Variants in ATP2B2 observed in about 807,000 individuals in gnomAD.
ATP2B2 encodes plasma membrane calcium-transporting ATPase 2.
A neutral mutation model predicts 120.0 loss-of-function variants in ATP2B2; 15 were observed. That is an observed-to-expected ratio of 0.12 (90% CI 0.08 to 0.19). ATP2B2 has a LOEUF of 0.19. Ranked by LOEUF, ATP2B2 falls within the 10% of genes least tolerant of loss-of-function variation. ATP2B2 has a pLI of 1.00. For missense variants in ATP2B2, 1,045 were observed against 1,719.8 expected, an observed-to-expected ratio of 0.61 and a Z score of 6.94; for synonymous variants, 694 against 700.3, an observed-to-expected ratio of 0.99 and a Z score of 0.14.
chr3:10,478,804 G>A (rs569631417), intron 1 of ATP2B2, among the ~76,000 whole-genome samples: 35 of 152,188 alleles, frequency 2.3e-4, no homozygotes, highest in Non-Finnish European at 4.4e-4. Flanking sequence ...GGCTGATGTG[G>A]TTTGGCTCTG....
At chr3:10,623,128 CCAT>C (rs2069598356) in intron 1 of ATP2B2, among the ~76,000 whole-genome samples, 1 of 145,018 alleles carries the variant, frequency 6.9e-6, no homozygotes, top group Admixed American at 7.3e-5. Context: ...AGTGGTGCAA[CCAT>C]AGCTCACTGT....
chr3:10,689,888 C>A (rs774787379), intron 1 of ATP2B2, among the ~76,000 whole-genome samples: 3 of 152,220 alleles, frequency 2.0e-5, no homozygotes, highest in Non-Finnish European at 4.4e-5. Flanking sequence ...CAAAGTAGGT[C>A]CTCAGTGAGG....
At chr3:10,603,355 T>C (rs1198098195) in intron 2 of ATP2B2, among the ~76,000 whole-genome samples, 1 of 152,268 alleles carries the variant, frequency 6.6e-6, no homozygotes, top group East Asian at 1.9e-4. Flanking sequence ...ACAGCATTGC[T>C]GTGAGTGTCC....
chr3:10,379,643 A>G (rs1202819650), intron 8 of ATP2B2, among the ~76,000 whole-genome samples: 1 of 152,146 alleles, frequency 6.6e-6, no homozygotes, highest in Non-Finnish European at 1.5e-5. Flanking sequence ...AGGCCCCCAC[A>G]CCAAGCTTTT....
At chr3:10,579,129 G>T (rs2068324302) in intron 2 of ATP2B2, among the ~76,000 whole-genome samples, 1 of 152,226 alleles carries the variant, frequency 6.6e-6, no homozygotes, top group East Asian at 1.9e-4. Context: ...TCCCAGGGAA[G>T]TTCTGAGAAT....
At chr3:10,445,133 C>T (rs975421213) in intron 2 of ATP2B2, among the ~76,000 whole-genome samples, 2 of 152,244 alleles carry the variant, frequency 1.3e-5, no homozygotes, top group East Asian at 3.8e-4. Flanking sequence ...AAAAGAAACA[C>T]TAGAGTATAA....
chr3:10,480,971 C>T (rs959719153), intron 1 of ATP2B2, among the ~76,000 whole-genome samples: 2 of 152,238 alleles, frequency 1.3e-5, no homozygotes, highest in African/African-American at 4.8e-5. Context: ...CCACTATCTG[C>T]TCCACCCGCA....
At position 10,326,356 on chromosome 3, in the gene ATP2B2, G is replaced by A. The variant is rs925745830; in HGVS notation, c.*2458C>T. ...ACAAGAGAAGACCAACGCTAATGTT[G>A]GCATTCTTCCATCGCTCCCTGTTCC... is the stretch of plus-strand genomic sequence containing the variant. On this transcript the variant is annotated 3_prime_UTR_variant, in exon 23 of 23. Transcript: ENST00000360273. 4.6e-5 allele frequency: 9 copies of A among 195,774 alleles called. No individual in the cohort carries two copies. Among genetic ancestry groups the A allele is most frequent in the Non-Finnish European group, 7.2e-5 (7 of 96,824 alleles). 12.1% of individuals were successfully genotyped at this position (195,774 alleles called of 1,614,324 possible).
chr3:10,529,095 G>C (rs1234337390), intron 3 of ATP2B2, among the ~76,000 whole-genome samples: 1 of 152,236 alleles, frequency 6.6e-6, no homozygotes, highest in Non-Finnish European at 1.5e-5. Context: ...CACCTTCCCG[G>C]GGGAAGACTC....
intron 3 of ATP2B2, among the ~76,000 whole-genome samples, chr3:10,518,136 C>A (rs936138240): frequency 6.6e-6 from 1 of 152,144 alleles, no homozygotes; most frequent in Non-Finnish European, 1.5e-5. Context: ...ATGATGTTTG[C>A]CAGTCTGCAA....
intron 14 of ATP2B2, among the ~76,000 whole-genome samples, chr3:10,357,797 T>C (rs2060782646): frequency 6.6e-6 from 1 of 152,160 alleles, no homozygotes; most frequent in Non-Finnish European, 1.5e-5. Flanking sequence ...CCTCACAGTG[T>C]GAGCTGACTC....
intron 12 of ATP2B2, among the ~76,000 whole-genome samples, chr3:10,367,511 CAG>C (rs2061099071): frequency 6.6e-6 from 1 of 152,124 alleles, no homozygotes; most frequent in African/African-American, 2.4e-5. Context: ...CAGAGGGAAA[CAG>C]AGTAATGACT....
chr3:10,485,438 C>T (rs150576122), intron 1 of ATP2B2, among the ~76,000 whole-genome samples: 170 of 152,254 alleles, frequency 1.1e-3, no homozygotes, highest in African/African-American at 3.3e-3. Context: ...TGGGGGATTG[C>T]GGGAGCTCAG....
At chr3:10,461,298 T>G (rs987524909) in intron 1 of ATP2B2, among the ~76,000 whole-genome samples, 2 of 152,324 alleles carry the variant, frequency 1.3e-5, no homozygotes, top group South Asian at 2.1e-4. Flanking sequence ...CTTCCACACT[T>G]GAGCCCTGGT....
At chr3:10,417,661 G>A (rs2062836131) in intron 2 of ATP2B2, among the ~76,000 whole-genome samples, 1 of 152,222 alleles carries the variant, frequency 6.6e-6, no homozygotes, top group African/African-American at 2.4e-5. Context: ...AATTTTGATT[G>A]AGCACCTACT....
intron 1 of ATP2B2, among the ~76,000 whole-genome samples, chr3:10,699,236 C>T (rs900814023): frequency 6.6e-6 from 1 of 152,222 alleles, no homozygotes; most frequent in African/African-American, 2.4e-5. Flanking sequence ...CAGAAGATGC[C>T]TGGACATGTG....
At chr3:10,599,464 T>C (rs560992695) in intron 2 of ATP2B2, among the ~76,000 whole-genome samples, 19 of 152,210 alleles carry the variant, frequency 1.2e-4, no homozygotes, top group Admixed American at 5.2e-4. Flanking sequence ...GTTCTCCCAG[T>C]GCACTCTAAT....
At chr3:10,574,475 A>T (rs1218232378) in intron 2 of ATP2B2, among the ~76,000 whole-genome samples, 2 of 152,218 alleles carry the variant, frequency 1.3e-5, no homozygotes, top group African/African-American at 2.4e-5. Context: ...CATACTAGGC[A>T]AGGGGCATTC....
At chr3:10,338,465 A>G in intron 21 of ATP2B2, 107 bp from the exon 22 acceptor site, 1 of 1,176,036 alleles carries the variant, frequency 8.5e-7, no homozygotes, top group South Asian at 1.2e-5. Flanking sequence ...TCACCCAGGC[A>G]TGTGATCAAT....
Sources: allele counts gnomAD v4.1 joint callset (sites outside exome capture counted in the v4.1 genomes callset), GRCh38; gene constraint gnomAD v4.1.1; transcripts MANE v1.5; gene names NCBI Gene and HGNC (gene_info 2026-07-23, HGNC 2026-07-21).